TNNI3K: variants seen among roughly 807,000 people sequenced by gnomAD.
TNNI3K encodes TNNI3 interacting kinase, also known as serine/threonine-protein kinase TNNI3K.
Under a neutral mutation model 114.5 loss-of-function variants are expected in TNNI3K, and 140 were observed. The ratio of observed to expected loss-of-function variants is 1.22; its 90% CI spans 1.07 to 1.41. The LOEUF (loss-of-function observed/expected upper bound fraction) is 1.41. TNNI3K is among the 40% of genes most tolerant of loss of function. The pLI is 0.00. For synonymous variants in TNNI3K, 347 were observed against 347.5 expected (o/e 1.00, Z 0.02); for missense variants, 1,125 against 1,007.6 (o/e 1.12, Z -1.58).
intron 7 of TNNI3K, among the ~76,000 whole-genome samples, chr1:74,340,623 T>G (rs1557507047): frequency 6.6e-6 from 1 of 152,206 alleles, no homozygotes; most frequent in African/African-American, 2.4e-5. Flanking sequence ...TGAAGTTTAC[T>G]AATTCAATTG....
At chr1:74,425,194 G>A (rs2100643254) in intron 17 of TNNI3K, among the ~76,000 whole-genome samples, 1 of 152,212 alleles carries the variant, frequency 6.6e-6, no homozygotes, top group Non-Finnish European at 1.5e-5. Context: ...GGGATAAAGT[G>A]AAGAGTGTTT....
chr1:74,271,774 T>C, intron 5 of TNNI3K, 66 bp downstream of exon 5: 10 of 1,327,774 alleles, frequency 7.5e-6, no homozygotes, highest in Non-Finnish European at 1.0e-5. Flanking sequence ...TGTTCTTAAC[T>C]GTTTTGAAAT....
intron 5 of TNNI3K, among the ~76,000 whole-genome samples, chr1:74,315,623 G>A (rs1003117972): frequency 2.0e-5 from 3 of 151,650 alleles, no homozygotes; most frequent in Non-Finnish European, 4.4e-5. Context: ...CTTTCCTAGA[G>A]GCAATTTTGC....
intron 11 of TNNI3K, among the ~76,000 whole-genome samples, chr1:74,360,426 T>A (rs1368001724): frequency 6.6e-6 from 1 of 152,042 alleles, no homozygotes; most frequent in East Asian, 1.9e-4. Flanking sequence ...CATCATCATA[T>A]TCGCTAGATC....
At chr1:74,285,393 C>T (rs758712116) in intron 5 of TNNI3K, among the ~76,000 whole-genome samples, 2 of 152,130 alleles carry the variant, frequency 1.3e-5, no homozygotes, top group South Asian at 2.1e-4. Context: ...TTGTATGCCC[C>T]GTGTTTCTAC....
At chr1:74,483,121 C>T (rs1668585653) in intron 21 of TNNI3K, 2 of 489,734 alleles carry the variant, frequency 4.1e-6, no homozygotes, top group Non-Finnish European at 7.4e-6. Flanking sequence ...TTGCCAGTCT[C>T]TTTAGTCATT....
At chr1:74,428,580 A>C (rs1665744824) in intron 17 of TNNI3K, among the ~76,000 whole-genome samples, 1 of 151,984 alleles carries the variant, frequency 6.6e-6, no homozygotes, top group African/African-American at 2.4e-5. Flanking sequence ...ATTCTTCTGG[A>C]CATGGTAGGA....
In TNNI3K at chr1:74,445,204, CT is replaced by C. The variant is rs1332980089; in HGVS notation, c.2011+5594del. Among the ~76,000 whole-genome samples, 658 of 117,832 alleles carry C rather than the reference CT, an allele frequency of 5.6e-3. 3 individuals are homozygous for C. The highest frequency in any genetic ancestry group is 0.014 in the African/African-American group (488 of 35,860). 77.3% of individuals were successfully genotyped at this position (117,832 alleles called of 152,430 possible). A position where few individuals can be genotyped will look rare whatever the true frequency, so the allele number is the denominator to read the frequency against. On this transcript the variant is annotated intron_variant, in intron 20 of 24. Transcript: ENST00000326637. The stretch of plus-strand genomic sequence containing the variant: ...AAACGTGATCTAAACTAAAGAACTT[CT>C]TTTTTTTTTTTCTTTCTTTTTTTTT...
intron 5 of TNNI3K, among the ~76,000 whole-genome samples, chr1:74,299,846 C>T (rs1022460666): frequency 6.6e-6 from 1 of 152,020 alleles, no homozygotes; most frequent in South Asian, 2.1e-4. Flanking sequence ...TGTATGTTAT[C>T]TTCTAGAGCA....
At chr1:74,253,198 T>A (rs1207707253) in intron 4 of TNNI3K, among the ~76,000 whole-genome samples, 3 of 152,162 alleles carry the variant, frequency 2.0e-5, no homozygotes, top group Non-Finnish European at 4.4e-5. Flanking sequence ...GAGTGCTGAT[T>A]GGCATATTTA....
chr1:74,406,896 A>G (rs1298314517), intron 17 of TNNI3K, among the ~76,000 whole-genome samples: 1 of 152,198 alleles, frequency 6.6e-6, no homozygotes, highest in South Asian at 2.1e-4. Flanking sequence ...AATGTCCTAC[A>G]TCAAGCAAAT....
At chr1:74,491,367 G>A (rs1018856316) in intron 22 of TNNI3K, among the ~76,000 whole-genome samples, 1 of 152,098 alleles carries the variant, frequency 6.6e-6, no homozygotes, top group African/African-American at 2.4e-5. Context: ...CTACAGGTGC[G>A]TGCCACCACT....
intron 17 of TNNI3K, among the ~76,000 whole-genome samples, chr1:74,387,920 ATG>A (rs1445327650): frequency 6.6e-6 from 1 of 152,166 alleles, no homozygotes; most frequent in African/African-American, 2.4e-5. Context: ...ACTTGTTTGA[ATG>A]TGTGTTTATT....
chr1:74,269,492 G>A (rs1656216234), intron 4 of TNNI3K, among the ~76,000 whole-genome samples: 1 of 151,822 alleles, frequency 6.6e-6, no homozygotes, highest in Non-Finnish European at 1.5e-5. Context: ...ACTGCAATGG[G>A]AAAAAGTATT....
At chr1:74,389,570 C>T (rs1663659835) in intron 17 of TNNI3K, among the ~76,000 whole-genome samples, 1 of 152,120 alleles carries the variant, frequency 6.6e-6, no homozygotes, top group African/African-American at 2.4e-5. Context: ...TTGTTTTCTT[C>T]CTTATCTTAA....
chr1:74,369,350 C>T (rs888266592), intron 15 of TNNI3K, 41 bp from the exon 16 acceptor site: 2 of 1,606,134 alleles, frequency 1.2e-6, no homozygotes, highest in Non-Finnish European at 1.7e-6. Flanking sequence ...TTGTTTGGAT[C>T]CATCTGTTTA....
intron 5 of TNNI3K, among the ~76,000 whole-genome samples, chr1:74,272,546 T>TGTGTTTGAGGGAC (rs1208779199): frequency 1.3e-5 from 2 of 151,562 alleles, no homozygotes; most frequent in African/African-American, 4.8e-5. Flanking sequence ...AAAGGCTGGG[T>TGTGTTTGAGGGAC]GTGTTTGAGG....
At chr1:74,309,225 G>C (rs547700791) in intron 5 of TNNI3K, among the ~76,000 whole-genome samples, 5 of 149,568 alleles carry the variant, frequency 3.3e-5, no homozygotes, top group African/African-American at 1.2e-4. Context: ...AAAATTAGCC[G>C]GGCGAGGTGG....
rs138621517 is a variant in TNNI3K, at chr1:74,441,460, C to T, written c.2011+1838C>T. Among the ~76,000 whole-genome samples the T allele has an allele frequency of 4.5e-4, 68 of 152,206 alleles. 1 individual carries two copies. The East Asian group carries it at 0.013, about 28-fold the overall frequency. On this transcript the variant is annotated intron_variant, in intron 20 of 24. Coordinates refer to ENST00000326637, the MANE Select transcript of TNNI3K (RefSeq NM_015978.3). ...CATTTGAGTTCTTCTCATTTTAGGG[C>T]TATTAAGAATAAATCTGCTCAAATA...
Sources: gnomAD v4.1 joint callset for allele counts (sites outside exome capture counted in the v4.1 genomes callset) on GRCh38, gnomAD v4.1.1 for gene constraint, MANE v1.5 for transcripts, NCBI Gene and HGNC (gene_info 2026-07-23, HGNC 2026-07-21) for gene names.